INPP4A: variants seen among roughly 807,000 people sequenced by gnomAD.
INPP4A encodes the protein inositol polyphosphate-4-phosphatase type I A.
Under a neutral mutation model 119.8 loss-of-function variants are expected in INPP4A, and 33 were observed. The observed-to-expected ratio is 0.28, with a 90% confidence interval of 0.21 to 0.37. The LOEUF is 0.37. Among genes scored for constraint, INPP4A ranks in the 10% least tolerant of loss-of-function variants. INPP4A has a pLI of 1.00. For missense variants in INPP4A, 956 were observed against 1,289.9 expected (o/e 0.74, Z 3.97); for synonymous variants, 496 against 500.7 (o/e 0.99, Z 0.12).
intron 1 of INPP4A, among the ~76,000 whole-genome samples, chr2:98,516,600 C>T (rs572648215): frequency 1.3e-5 from 2 of 152,234 alleles, no homozygotes; most frequent in East Asian, 3.9e-4. Context: ...GGGTGACCGA[C>T]ACCTTCACTA....
intron 17 of INPP4A, 119 bp from the exon 18 acceptor site, chr2:98,563,346 G>T: frequency 1.1e-6 from 1 of 910,554 alleles, no homozygotes; most frequent in Non-Finnish European, 1.7e-6. Flanking sequence ...GGAAGATGAG[G>T]TGGAGATGGG....
chr2:98,450,754 C>T (rs1695078464), intron 1 of INPP4A, among the ~76,000 whole-genome samples: 1 of 152,096 alleles, frequency 6.6e-6, no homozygotes, highest in African/African-American at 2.4e-5. Context: ...TGGATTTAAT[C>T]TCTTAGTTGT....
chr2:98,485,635 A>G (rs1331077289), intron 1 of INPP4A, among the ~76,000 whole-genome samples: 1 of 152,034 alleles, frequency 6.6e-6, no homozygotes, highest in Non-Finnish European at 1.5e-5. Flanking sequence ...AACCCAGCTG[A>G]GAGTTCCTTT....
At chr2:98,539,448 A>T in intron 9 of INPP4A, 80 bp from the exon 10 acceptor site, 1 of 1,478,432 alleles carries the variant, frequency 6.8e-7, no homozygotes. Context: ...ACCATCCCTG[A>T]GGGCCGGGGG....
At chr2:98,539,719 A>T (rs1188397425) in intron 10 of INPP4A, 44 bp downstream of exon 10, 1 of 1,565,932 alleles carries the variant, frequency 6.4e-7, no homozygotes, top group African/African-American at 1.4e-5. Context: ...TACCCATGTC[A>T]TGTGCCCCTT....
In INPP4A at chr2:98,460,474, A is replaced by G. The variant is rs1696958260; in HGVS notation, c.-166+15389A>G. 1.3e-5 allele frequency among the ~76,000 whole-genome samples: 2 copies of G among 152,198 alleles called. 1 individual carries two copies. The highest frequency in any genetic ancestry group is 4.1e-4 in the South Asian group (2 of 4,832). On this transcript the variant is annotated intron_variant, in intron 1 of 24. Coordinates refer to ENST00000409851, the MANE Select transcript of INPP4A (RefSeq NM_001134225.2). ...TAAAGTTTGGGAATTCATTCATCCCACACTGGAGGGTGTCAGACTTTTTTA... is the reference window on the plus strand; with the variant it reads ...TAAAGTTTGGGAATTCATTCATCCCGCACTGGAGGGTGTCAGACTTTTTTA...
intron 22 of INPP4A, among the ~76,000 whole-genome samples, chr2:98,572,295 G>A (rs1317334497): frequency 6.6e-6 from 1 of 152,234 alleles, no homozygotes; most frequent in Non-Finnish European, 1.5e-5. Context: ...AGGAGGAGCT[G>A]TTAGGATGTG....
At chr2:98,466,666 G>T (rs981982493) in intron 1 of INPP4A, among the ~76,000 whole-genome samples, 4 of 152,216 alleles carry the variant, frequency 2.6e-5, no homozygotes, top group African/African-American at 7.2e-5. Flanking sequence ...GTTATGCCAG[G>T]TAGGCCTTGG....
intron 1 of INPP4A, among the ~76,000 whole-genome samples, chr2:98,488,081 T>C (rs1679919423): frequency 6.6e-6 from 1 of 152,210 alleles, no homozygotes; most frequent in South Asian, 2.1e-4. Flanking sequence ...GTTGCTCAGA[T>C]TGTTCCAGCT....
chr2:98,564,576 G>T (rs1451652760), intron 18 of INPP4A, 64 bp from the exon 19 acceptor site: 2 of 1,602,392 alleles, frequency 1.2e-6, no homozygotes, highest in African/African-American at 2.7e-5. Context: ...GGCTGGGCAT[G>T]ATCTGACTGC....
At chr2:98,444,837 C>G (rs1158436043), upstream of INPP4A, 1 of 152,048 alleles carries the variant, frequency 6.6e-6, no homozygotes, top group Non-Finnish European at 1.5e-5. Flanking sequence ...GGGGCGGGGC[C>G]AGGGCGGGGC....
chr2:98,492,472 AT>A (rs1681018045), intron 1 of INPP4A, among the ~76,000 whole-genome samples: 2 of 152,132 alleles, frequency 1.3e-5, no homozygotes, highest in Non-Finnish European at 2.9e-5. Context: ...GGCTCTATTG[AT>A]GTGCTACCCC....
At chr2:98,447,458 G>A (rs1694383246) in intron 1 of INPP4A, among the ~76,000 whole-genome samples, 1 of 151,832 alleles carries the variant, frequency 6.6e-6, no homozygotes, top group African/African-American at 2.4e-5. Context: ...GCTTCATTTT[G>A]TCTCTGTGTT....
chr2:98,549,805 G>C (rs1283710812), intron 13 of INPP4A, among the ~76,000 whole-genome samples: 1 of 152,100 alleles, frequency 6.6e-6, no homozygotes, highest in East Asian at 1.9e-4. Flanking sequence ...TTTTCCCTGG[G>C]GGTACTTTAG....
At chr2:98,549,082 G>T in intron 13 of INPP4A, 1 of 922,826 alleles carries the variant, frequency 1.1e-6, no homozygotes, top group Non-Finnish European at 1.7e-6. Flanking sequence ...TGCTGCCATG[G>T]TTCCTAGTTA....
intron 1 of INPP4A, among the ~76,000 whole-genome samples, chr2:98,511,124 A>T (rs1353920586): frequency 6.6e-6 from 1 of 151,272 alleles, no homozygotes; most frequent in Non-Finnish European, 1.5e-5. Context: ...CAGTAGTGCG[A>T]TCTGGGCTCA....
chr2:98,464,634 C>T (rs974647408), intron 1 of INPP4A, among the ~76,000 whole-genome samples: 4 of 152,206 alleles, frequency 2.6e-5, no homozygotes, highest in African/African-American at 9.6e-5. Context: ...TTGACAGTTG[C>T]AAGGCCTGTG....
At chr2:98,479,186 C>T (rs1677894348) in intron 1 of INPP4A, among the ~76,000 whole-genome samples, 1 of 152,164 alleles carries the variant, frequency 6.6e-6, no homozygotes, top group Non-Finnish European at 1.5e-5. Flanking sequence ...CTTCCCCAAA[C>T]TAGGCTACTT....
At chr2:98,517,682 C>G (rs987309900) in intron 1 of INPP4A, among the ~76,000 whole-genome samples, 1 of 152,186 alleles carries the variant, frequency 6.6e-6, no homozygotes, top group Non-Finnish European at 1.5e-5. Context: ...ATGGATGTTC[C>G]AGAACATTCT....
Sources: allele counts gnomAD v4.1 joint callset (sites outside exome capture counted in the v4.1 genomes callset), GRCh38; gene constraint gnomAD v4.1.1; transcripts MANE v1.5; gene names NCBI Gene and HGNC (gene_info 2026-07-23, HGNC 2026-07-21).